Variants in DOCK3 observed in about 807,000 individuals in gnomAD.
DOCK3 encodes dedicator of cytokinesis protein 3.
In DOCK3, 60 loss-of-function variants were observed where a neutral mutation model predicts 265.6. That is an observed-to-expected ratio of 0.23 (90% CI 0.18 to 0.28). The LOEUF is 0.28. Among genes scored for constraint, DOCK3 ranks in the 10% least tolerant of loss-of-function variants. The probability of loss-of-function intolerance (pLI) is 1.00; values close to 1 mark genes in which losing one functional copy is unlikely to be tolerated. For missense variants in DOCK3, 1,981 were observed against 2,594.3 expected (o/e 0.76, Z 5.14); for synonymous variants, 881 against 938.0 (o/e 0.94, Z 1.11).
intron 1 of DOCK3, among the ~76,000 whole-genome samples, chr3:50,743,855 T>C (rs2039243862): frequency 1.3e-5 from 2 of 152,252 alleles, no homozygotes; most frequent in African/African-American, 4.8e-5. Context: ...CCAAGCTGTT[T>C]ATGGAAAACT....
chr3:50,952,436 C>T (rs2076619225), intron 5 of DOCK3, among the ~76,000 whole-genome samples: 1 of 152,098 alleles, frequency 6.6e-6, no homozygotes, highest in African/African-American at 2.4e-5. Flanking sequence ...AAAGGTATTT[C>T]AAAGAAAGTA....
At chr3:51,227,151 T>G in intron 15 of DOCK3, 132 bp from the exon 16 acceptor site, 1 of 956,480 alleles carries the variant, frequency 1.0e-6, no homozygotes. Flanking sequence ...CAAATGCATT[T>G]TCTTATCTCA....
At chr3:50,691,216 G>A (rs568509544) in intron 1 of DOCK3, among the ~76,000 whole-genome samples, 7 of 151,434 alleles carry the variant, frequency 4.6e-5, no homozygotes, top group South Asian at 2.1e-4. Flanking sequence ...ACCAGGAGGC[G>A]GAGCTTGCAG....
intron 51 of DOCK3, chr3:51,379,600 T>C (rs1443409731): frequency 2.9e-5 from 29 of 985,342 alleles, no homozygotes; most frequent in Non-Finnish European, 3.5e-5. Flanking sequence ...GGTCCCCCGA[T>C]AGTCCCTGGT....
intron 10 of DOCK3, among the ~76,000 whole-genome samples, chr3:51,152,386 C>T (rs1461932835): frequency 2.0e-5 from 3 of 152,132 alleles, no homozygotes; most frequent in Non-Finnish European, 4.4e-5. Flanking sequence ...TCTAGTTAGC[C>T]ATTCATCAAA....
intron 25 of DOCK3, among the ~76,000 whole-genome samples, chr3:51,275,633 C>T (rs1459126161): frequency 2.0e-5 from 3 of 152,086 alleles, no homozygotes; most frequent in African/African-American, 7.2e-5. Flanking sequence ...ACCCATATGG[C>T]GTTCCTATAC....
At chr3:50,952,928 C>A (rs1258898807) in intron 5 of DOCK3, among the ~76,000 whole-genome samples, 1 of 152,068 alleles carries the variant, frequency 6.6e-6, no homozygotes, top group Non-Finnish European at 1.5e-5. Context: ...GAGTATGTGG[C>A]ATGTATGAAG....
chr3:50,883,284 G>GC (rs1300401449), intron 3 of DOCK3, among the ~76,000 whole-genome samples: 2 of 151,718 alleles, frequency 1.3e-5, no homozygotes, highest in Admixed American at 6.6e-5. Context: ...AGGCCATTTT[G>GC]CTAGATATCT....
At chr3:50,771,732 T>A (rs1275943357) in intron 1 of DOCK3, among the ~76,000 whole-genome samples, 1 of 152,120 alleles carries the variant, frequency 6.6e-6, no homozygotes, top group Admixed American at 6.5e-5. Context: ...GCGCCTGTAG[T>A]CCCAGCTACT....
chr3:50,778,035 T>G (rs2041706329), intron 1 of DOCK3, among the ~76,000 whole-genome samples: 1 of 152,182 alleles, frequency 6.6e-6, no homozygotes, highest in Non-Finnish European at 1.5e-5. Context: ...CAGTGTGATT[T>G]GACTGTGGGT....
intron 1 of DOCK3, among the ~76,000 whole-genome samples, chr3:50,700,239 A>G (rs1229906275): frequency 2.0e-5 from 3 of 152,252 alleles, no homozygotes; most frequent in Non-Finnish European, 4.4e-5. Context: ...AGATCGCACC[A>G]TTGCACTCCA....
intron 4 of DOCK3, chr3:50,901,725 G>A (rs2049209498): frequency 2.2e-6 from 1 of 453,512 alleles, no homozygotes; most frequent in African/African-American, 2.0e-5. Flanking sequence ...CTAGGGGAGG[G>A]AATTCCCTGA....
chr3:51,229,130 G>A (rs1227891917), intron 18 of DOCK3, among the ~76,000 whole-genome samples: 1 of 152,162 alleles, frequency 6.6e-6, no homozygotes, highest in Non-Finnish European at 1.5e-5. Context: ...TTGACTGGGA[G>A]AGTCTGGGCC....
intron 4 of DOCK3, among the ~76,000 whole-genome samples, chr3:50,891,950 G>A (rs2048662116): frequency 6.6e-6 from 1 of 152,010 alleles, no homozygotes; most frequent in African/African-American, 2.4e-5. Flanking sequence ...GAAGTGATGT[G>A]GCTGTACATA....
chr3:50,933,114 AC>A (rs1259629565), intron 4 of DOCK3, among the ~76,000 whole-genome samples: 1 of 152,136 alleles, frequency 6.6e-6, no homozygotes, highest in Admixed American at 6.5e-5. Flanking sequence ...CCTGGGAAAG[AC>A]CCACCCCGAT....
At chr3:51,179,306 G>A (rs1021910105) in intron 12 of DOCK3, among the ~76,000 whole-genome samples, 1 of 152,150 alleles carries the variant, frequency 6.6e-6, no homozygotes, top group African/African-American at 2.4e-5. Flanking sequence ...ATCCAAAGGT[G>A]GAATACCATA....
At chr3:50,837,515 T>C (rs2107204496) in intron 2 of DOCK3, among the ~76,000 whole-genome samples, 1 of 152,216 alleles carries the variant, frequency 6.6e-6, no homozygotes, top group East Asian at 1.9e-4. Flanking sequence ...GAGAACAGCA[T>C]GGGGGTAACC....
At chr3:50,815,700 A>T (rs1248383933) in intron 2 of DOCK3, among the ~76,000 whole-genome samples, 1 of 152,110 alleles carries the variant, frequency 6.6e-6, no homozygotes, top group Non-Finnish European at 1.5e-5. Flanking sequence ...CAGTGGGTAT[A>T]GAATCCTAGG....
chr3:50,789,746 G>A (rs999912925), intron 2 of DOCK3, among the ~76,000 whole-genome samples: 3 of 152,128 alleles, frequency 2.0e-5, no homozygotes, highest in Non-Finnish European at 4.4e-5. Flanking sequence ...TTGTTTTTAA[G>A]ACAGTCTCTC....
Sources: allele counts gnomAD v4.1 joint callset (sites outside exome capture counted in the v4.1 genomes callset), GRCh38; gene constraint gnomAD v4.1.1; transcripts MANE v1.5; gene names NCBI Gene and HGNC (gene_info 2026-07-23, HGNC 2026-07-21).